Variants in NAALADL2 observed in about 807,000 individuals in gnomAD.
NAALADL2 encodes inactive N-acetylated-alpha-linked acidic dipeptidase-like protein 2.
In NAALADL2, 76 loss-of-function variants were observed where a neutral mutation model predicts 87.2. The ratio of observed to expected loss-of-function variants is 0.87; its 90% confidence interval spans 0.72 to 1.05. NAALADL2 has a LOEUF of 1.05. Among genes scored for constraint, NAALADL2 ranks in the 50% least tolerant of loss-of-function variants. The pLI is 0.00. For missense variants in NAALADL2, 1,089 were observed against 945.8 expected, an observed-to-expected ratio of 1.15 and a Z score of -1.99; for synonymous variants, 354 against 331.0, an observed-to-expected ratio of 1.07 and a Z score of -0.75.
chr3:175,531,017 T>C (rs1292975130), intron 9 of NAALADL2, among the ~76,000 whole-genome samples: 2 of 152,214 alleles, frequency 1.3e-5, no homozygotes, highest in East Asian at 3.9e-4. Flanking sequence ...GATTTACCTA[T>C]GGGGGCCTGT....
At chr3:175,147,590 T>TG (rs34061778) in intron 2 of NAALADL2, among the ~76,000 whole-genome samples, 1 of 151,762 alleles carries the variant, frequency 6.6e-6, no homozygotes, top group Non-Finnish European at 1.5e-5. Flanking sequence ...AGTTTATTTT[T>TG]GGGGGGGGTA....
rs1754713888 is a variant in NAALADL2 at position 175,806,492 on chromosome 3, A to G, written c.*3289A>G. The G allele has an allele frequency of 6.6e-6, 1 of 151,900 alleles. No individual in the cohort carries two copies. The highest frequency in any genetic ancestry group is 1.5e-5 in the Non-Finnish European group (1 of 67,890). 9.4% of individuals were successfully genotyped at this position (151,900 alleles called of 1,614,324 possible). On this transcript the variant is annotated 3_prime_UTR_variant, in exon 14 of 14. Coordinates refer to ENST00000454872, the MANE Select transcript of NAALADL2 (RefSeq NM_207015.3). The stretch of plus-strand genomic sequence containing the variant: ...CAATCTACGTTAATCGTAGTTTCCA[A>G]GAAAACACTAATTGACATTTCTAAA...
intron 1 of NAALADL2, among the ~76,000 whole-genome samples, chr3:174,940,449 C>G (rs1011544488): frequency 1.3e-5 from 2 of 151,950 alleles, no homozygotes; most frequent in Admixed American, 6.6e-5. Context: ...TGTGTTCATC[C>G]AGAATATTGG....
intron 9 of NAALADL2, among the ~76,000 whole-genome samples, chr3:175,499,219 A>T (rs775884221): frequency 1.3e-5 from 2 of 152,060 alleles, no homozygotes; most frequent in South Asian, 2.1e-4. Context: ...ACATACAACT[A>T]TTTTTACACT....
intron 2 of NAALADL2, among the ~76,000 whole-genome samples, chr3:175,132,157 C>T (rs1454626232): frequency 4.0e-5 from 5 of 124,150 alleles, no homozygotes; most frequent in African/African-American, 6.8e-5. Context: ...ACCTCCCTCC[C>T]GGACGGGGCA....
In NAALADL2 at chr3:174,850,326, A is replaced by G. The variant is rs181498998; in HGVS notation, c.-9+112580A>G. 1.7e-3 allele frequency among the ~76,000 whole-genome samples: 253 copies of G among 152,232 alleles called. 1 individual carries two copies. The highest frequency in any genetic ancestry group is 5.6e-3 in the African/African-American group (232 of 41,550). On this transcript the variant is annotated intron_variant, in intron 3 of 3. Coordinates refer to the NAALADL2 transcript ENST00000434257. ...CTCTTTTGCTGCTTTTAGATTAAGT[A>G]TCCTTTCAGATTAAAAACAAAAACA...
chr3:174,922,606 T>C (rs75636213), intron 1 of NAALADL2, among the ~76,000 whole-genome samples: 2,624 of 152,234 alleles, frequency 0.017, 92 homozygotes, highest in African/African-American at 0.061. Context: ...CCTTTAGATA[T>C]TATTTCTCTT....
chr3:175,051,084 A>T (rs57635775), intron 1 of NAALADL2, among the ~76,000 whole-genome samples: 12,810 of 152,194 alleles, frequency 0.084, 1,675 homozygotes, highest in African/African-American at 0.28. Flanking sequence ...CTCCTCTTTC[A>T]GTTCAATAAG....
chr3:175,105,719 T>A (rs1024229742), intron 2 of NAALADL2, among the ~76,000 whole-genome samples: 3 of 149,290 alleles, frequency 2.0e-5, no homozygotes, highest in Non-Finnish European at 3.0e-5. Flanking sequence ...ATCTATGTAC[T>A]CATAGCATGT....
intron 1 of NAALADL2, among the ~76,000 whole-genome samples, chr3:174,506,713 T>G (rs1578046351): frequency 6.6e-6 from 1 of 152,202 alleles, no homozygotes; most frequent in African/African-American, 2.4e-5. Flanking sequence ...ATCAGCAGTA[T>G]TTGAAAGTGC....
chr3:175,618,341 C>G (rs1232767130), intron 10 of NAALADL2, among the ~76,000 whole-genome samples: 3 of 152,090 alleles, frequency 2.0e-5, no homozygotes, highest in Admixed American at 6.5e-5. Flanking sequence ...TAGGATCAGA[C>G]AAGCTTGAGA....
chr3:174,659,722 C>T (rs1457682039), intron 2 of NAALADL2, among the ~76,000 whole-genome samples: 2 of 152,144 alleles, frequency 1.3e-5, no homozygotes, highest in African/African-American at 4.8e-5. Flanking sequence ...ATCCCTACTT[C>T]CCTGGGGCTA....
chr3:174,864,329 A>AG (rs1486303604), intron 1 of NAALADL2, among the ~76,000 whole-genome samples: 1 of 152,114 alleles, frequency 6.6e-6, no homozygotes, highest in Non-Finnish European at 1.5e-5. Flanking sequence ...GATGGCAAGC[A>AG]GTGTACTTGA....
At chr3:174,441,395 C>A (rs1270477754) in intron 1 of NAALADL2, among the ~76,000 whole-genome samples, 2 of 152,206 alleles carry the variant, frequency 1.3e-5, no homozygotes, top group Non-Finnish European at 2.9e-5. Flanking sequence ...CTCCGAGTCC[C>A]CGCTTCTGAC....
intron 4 of NAALADL2, among the ~76,000 whole-genome samples, chr3:175,258,324 CAAAAAA>C (rs1287997792): frequency 3.0e-5 from 3 of 100,744 alleles, no homozygotes; most frequent in Admixed American, 1.0e-4. Context: ...CCCCCACCAC[CAAAAAA>C]AAAAAAAAAA....
chr3:175,465,742 A>C (rs7648127), intron 7 of NAALADL2, among the ~76,000 whole-genome samples: 144 of 152,320 alleles, frequency 9.5e-4, no homozygotes, highest in African/African-American at 3.4e-3. Context: ...AAATACCGGG[A>C]TTACAGGCGT....
intron 5 of NAALADL2, chr3:175,369,746 C>A (rs1264798403): frequency 6.6e-5 from 10 of 152,150 alleles, no homozygotes; most frequent in Admixed American, 6.6e-4. Flanking sequence ...CCAAGTTTCA[C>A]ACATTTTTGA....
intron 2 of NAALADL2, among the ~76,000 whole-genome samples, chr3:174,728,942 A>G (rs1323285325): frequency 6.6e-6 from 1 of 152,078 alleles, no homozygotes; most frequent in Non-Finnish European, 1.5e-5. Flanking sequence ...CGAGGTCAAG[A>G]ACTTGACATA....
At chr3:174,493,968 T>A (rs888825903) in intron 1 of NAALADL2, among the ~76,000 whole-genome samples, 7 of 152,112 alleles carry the variant, frequency 4.6e-5, no homozygotes, top group African/African-American at 9.7e-5. Context: ...CAACTTCATA[T>A]GTGTCTGACA....
Sources: gnomAD v4.1 joint callset for allele counts (sites outside exome capture counted in the v4.1 genomes callset) on GRCh38, gnomAD v4.1.1 for gene constraint, MANE v1.5 for transcripts, NCBI Gene and HGNC (gene_info 2026-07-23, HGNC 2026-07-21) for gene names.